Variants in TBC1D22A observed in about 807,000 individuals in gnomAD.
The protein encoded by TBC1D22A is TBC1 domain family member 22A, also known as putative GTPase activator.
A neutral mutation model predicts 60.2 loss-of-function variants in TBC1D22A; 38 were observed. The ratio of observed to expected loss-of-function variants is 0.63; its 90% CI spans 0.49 to 0.83. The LOEUF is 0.83. TBC1D22A is among the 40% of genes least tolerant of loss of function. TBC1D22A has a pLI of 0.00. For synonymous variants in TBC1D22A, 302 were observed against 281.7 expected (o/e 1.07, Z -0.72); for missense variants, 628 against 701.0 (o/e 0.90, Z 1.18).
chr22:46,807,344 A>G (rs1185520862), intron 4 of TBC1D22A, among the ~76,000 whole-genome samples: 1 of 151,124 alleles, frequency 6.6e-6, no homozygotes, highest in South Asian at 2.1e-4. Context: ...AGTGATACCA[A>G]CTCTCCTGCT....
intron 11 of TBC1D22A, among the ~76,000 whole-genome samples, chr22:47,072,995 A>T (rs75900047): frequency 0.03 from 4,588 of 152,294 alleles, 77 homozygotes; most frequent in African/African-American, 0.034. Context: ...TGAATGTAAA[A>T]CTGAAAAGTC....
At chr22:46,812,607 C>T (rs2085428944) in intron 4 of TBC1D22A, among the ~76,000 whole-genome samples, 1 of 152,286 alleles carries the variant, frequency 6.6e-6, no homozygotes, top group South Asian at 2.1e-4. Context: ...TTTGGTTTAG[C>T]TCGATGGGGG....
chr22:47,014,216 G>A (rs2061837167), intron 10 of TBC1D22A, among the ~76,000 whole-genome samples: 1 of 152,180 alleles, frequency 6.6e-6, no homozygotes. Flanking sequence ...GCTTTCTCAG[G>A]CCCCTGTGAG....
chr22:47,096,197 T>C (rs1391481293), intron 11 of TBC1D22A, among the ~76,000 whole-genome samples: 4 of 152,214 alleles, frequency 2.6e-5, no homozygotes, highest in African/African-American at 9.6e-5. Flanking sequence ...TCACATGTAC[T>C]ACGGAAGCCT....
chr22:47,094,595 A>G (rs1416123614), intron 11 of TBC1D22A, among the ~76,000 whole-genome samples: 1 of 152,234 alleles, frequency 6.6e-6, no homozygotes, highest in Non-Finnish European at 1.5e-5. Flanking sequence ...ATATACATGT[A>G]TATGTACATA....
At chr22:46,899,726 C>T (rs532511598) in intron 7 of TBC1D22A, among the ~76,000 whole-genome samples, 4 of 152,120 alleles carry the variant, frequency 2.6e-5, no homozygotes, top group Admixed American at 6.5e-5. Flanking sequence ...GATAATAAGA[C>T]GTGGGTAGAG....
intron 12 of TBC1D22A, among the ~76,000 whole-genome samples, chr22:47,155,692 G>A (rs112789224): frequency 1.4e-5 from 2 of 147,860 alleles, no homozygotes; most frequent in African/African-American, 5.1e-5. Flanking sequence ...CACCACGGCC[G>A]TTCTCCCACG....
At chr22:47,112,034 G>A (rs564328874) in intron 12 of TBC1D22A, among the ~76,000 whole-genome samples, 32 of 152,354 alleles carry the variant, frequency 2.1e-4, no homozygotes, top group African/African-American at 7.5e-4. Flanking sequence ...GAAGCTCTGT[G>A]ACTGGGGGCA....
At chr22:46,784,636 T>C (rs1694233379) in intron 1 of TBC1D22A, among the ~76,000 whole-genome samples, 1 of 152,218 alleles carries the variant, frequency 6.6e-6, no homozygotes, top group South Asian at 2.1e-4. Context: ...CTGTGGCCTG[T>C]GATAATGTTG....
intron 10 of TBC1D22A, among the ~76,000 whole-genome samples, chr22:47,032,228 CG>C (rs146889257): frequency 0.047 from 7,171 of 152,286 alleles, 499 homozygotes; most frequent in African/African-American, 0.15. Context: ...TCCATGGCAG[CG>C]GCTGCCCTGG....
chr22:46,933,664 C>T (rs185442623), intron 8 of TBC1D22A, among the ~76,000 whole-genome samples: 11 of 152,308 alleles, frequency 7.2e-5, no homozygotes, highest in Admixed American at 4.6e-4. Context: ...TGGCACTGGC[C>T]GGCAGCCTCT....
chr22:46,836,633 G>A (rs1319527014), intron 4 of TBC1D22A, among the ~76,000 whole-genome samples: 1 of 151,994 alleles, frequency 6.6e-6, no homozygotes, highest in Non-Finnish European at 1.5e-5. Context: ...TTACCAATCG[G>A]TAATTACTTT....
intron 4 of TBC1D22A, among the ~76,000 whole-genome samples, chr22:46,872,271 A>G (rs131861): frequency 0.73 from 111,217 of 152,052 alleles, 41,075 homozygotes; most frequent in African/African-American, 0.84. Context: ...TTCCAGGATC[A>G]CTTTCAGAAA....
rs200665461 is a variant in TBC1D22A, at chr22:47,121,714, A to AT, written c.1425+10124dup. 2.3e-3 allele frequency among the ~76,000 whole-genome samples: 335 copies of AT among 147,402 alleles called. 1 individual carries two copies. The highest frequency in any genetic ancestry group is 0.014 in the Middle Eastern group (4 of 284). ...ATTTTATTTTCTTGTTTGAAAAAAA[A>AT]TTTTTTTTTTTTTGTATTTTGCATG... is the stretch of plus-strand genomic sequence containing the variant. On this transcript the variant is annotated intron_variant, in intron 12 of 12. Transcript: ENST00000337137.
chr22:47,001,295 C>T (rs373368589), intron 10 of TBC1D22A, among the ~76,000 whole-genome samples: 87 of 97,782 alleles, frequency 8.9e-4, no homozygotes, highest in African/African-American at 3.3e-3. Flanking sequence ...TTTTTTCTTT[C>T]TTTCTTTTTT....
intron 12 of TBC1D22A, among the ~76,000 whole-genome samples, chr22:47,129,486 C>CA (rs1466273643): frequency 2.6e-5 from 4 of 151,926 alleles, no homozygotes; most frequent in Non-Finnish European, 4.4e-5. Flanking sequence ...AGTAAACAAA[C>CA]AAAAAAACAA....
chr22:46,937,088 C>CT (rs1157589943), intron 8 of TBC1D22A, among the ~76,000 whole-genome samples: 7 of 152,140 alleles, frequency 4.6e-5, no homozygotes, highest in African/African-American at 1.7e-4. Flanking sequence ...CTGCGCTTTG[C>CT]TTTTGTTTTG....
chr22:46,910,436 G>T (rs1041227381), intron 7 of TBC1D22A, among the ~76,000 whole-genome samples: 1 of 152,186 alleles, frequency 6.6e-6, no homozygotes, highest in Non-Finnish European at 1.5e-5. Context: ...CGACTCCCCA[G>T]GGTGCAAGTG....
chr22:46,885,122 G>A (rs1028994061), intron 5 of TBC1D22A, among the ~76,000 whole-genome samples: 1 of 152,222 alleles, frequency 6.6e-6, no homozygotes, highest in Admixed American at 6.5e-5. Flanking sequence ...CTGTGAGCCC[G>A]GCCAGTCTTC....
Sources: gnomAD v4.1 joint callset for allele counts (sites outside exome capture counted in the v4.1 genomes callset) on GRCh38, gnomAD v4.1.1 for gene constraint, MANE v1.5 for transcripts, NCBI Gene and HGNC (gene_info 2026-07-23, HGNC 2026-07-21) for gene names.